Variants in CDH17 observed in about 807,000 individuals in gnomAD.
CDH17 encodes the protein cadherin-17.
In CDH17, 67 loss-of-function variants were observed where a neutral mutation model predicts 86.3. That is an observed-to-expected ratio of 0.78 (90% CI 0.64 to 0.95). The LOEUF (loss-of-function observed/expected upper bound fraction) is 0.95, where lower values mean the gene tolerates loss of function less well. Ranked by LOEUF, CDH17 falls within the 40% of genes least tolerant of loss-of-function variation. CDH17 has a pLI of 0.00. For synonymous variants in CDH17, 367 were observed against 366.4 expected, an observed-to-expected ratio of 1.00 and a Z score of -0.02; for missense variants, 993 against 1,017.6, an observed-to-expected ratio of 0.98 and a Z score of 0.33.
intron 15 of CDH17, among the ~76,000 whole-genome samples, chr8:94,134,476 G>A (rs1327535154): frequency 6.6e-6 from 1 of 152,112 alleles, no homozygotes; most frequent in East Asian, 1.9e-4. Flanking sequence ...ATTGTAGTTT[G>A]TATTTCTGTG....
At chr8:94,132,937 T>G (rs111811560) in intron 15 of CDH17, among the ~76,000 whole-genome samples, 3,429 of 152,302 alleles carry the variant, frequency 0.023, 126 homozygotes, top group African/African-American at 0.079. Flanking sequence ...CTTTCCCCAT[T>G]GCTTGTTTTT....
chr8:94,130,844 C>G, intron 16 of CDH17, 32 bp downstream of exon 16: 1 of 1,518,506 alleles, frequency 6.6e-7, no homozygotes, highest in Non-Finnish European at 9.2e-7. Context: ...GTGACAGATA[C>G]TAGCCTGAGT....
chr8:94,132,120 T>C (rs1008722190), intron 15 of CDH17, among the ~76,000 whole-genome samples: 53 of 152,204 alleles, frequency 3.5e-4, no homozygotes, highest in African/African-American at 1.1e-3. Flanking sequence ...CTCTTGTGAA[T>C]AGTGCCACAA....
Position 94,177,606 on chromosome 8 carries a change from C to A in CDH17, c.266G>T (p.Arg89Ile). 1.9e-6 allele frequency: 3 copies of A among 1,613,774 alleles called. No homozygotes were observed. The highest frequency in any genetic ancestry group is 2.2e-5 in the East Asian group (1 of 44,860). The change falls in exon 4 of 18, where the codon AGA (arginine) becomes ATA (isoleucine). Residue 89 changes from arginine (R) to isoleucine (I), a missense_variant. Physicochemically the swap from Arg to Ile is moderately conservative, Grantham distance 97. Transcript: ENST00000027335. Reference sequence around the variant, plus strand: ...ATTTACCTGGAGATTGTGAGTAGATCTTGTTTCCCTGTCCAAGGCTCTGTT... The same window carrying A: ...ATTTACCTGGAGATTGTGAGTAGATATTGTTTCCCTGTCCAAGGCTCTGTT... ...YYNRALDRET[R>I]STHNLQVAAL...
In CDH17 at chr8:94,200,532, C is replaced by CTTTTT. The variant is rs1387182561; in HGVS notation, c.-20-5828_-20-5827insAAAAA. Among the ~76,000 whole-genome samples, 66 of 50,236 alleles carry CTTTTT rather than the reference C, an allele frequency of 1.3e-3. 11 individuals carry two copies. The highest frequency in any genetic ancestry group is 0.017 in the Middle Eastern group (1 of 60). 33.0% of individuals were successfully genotyped at this position (50,236 alleles called of 152,430 possible). A position where few individuals can be genotyped will look rare whatever the true frequency, so the allele number is the denominator to read the frequency against. Reference sequence around the variant, plus strand: ...TAGATCAGAGGGTTATTATTATTATCTTTTGTTTTTTTTTTTTTTTTTTTT... The same window carrying CTTTTT: ...TAGATCAGAGGGTTATTATTATTATCTTTTTTTTTGTTTTTTTTTTTTTTTTTTTT... On this transcript the variant is annotated intron_variant, in intron 1 of 17. Transcript: ENST00000027335.
intron 1 of CDH17, among the ~76,000 whole-genome samples, chr8:94,197,053 G>T (rs1181240238): frequency 2.6e-5 from 4 of 152,128 alleles, no homozygotes; most frequent in African/African-American, 9.7e-5. Flanking sequence ...CACAAAACCG[G>T]AAGACCCACT....
At chr8:94,144,612 T>C (rs1812703851) in intron 15 of CDH17, among the ~76,000 whole-genome samples, 1 of 152,036 alleles carries the variant, frequency 6.6e-6, no homozygotes, top group Non-Finnish European at 1.5e-5. Flanking sequence ...TTAGGGACCC[T>C]AAGTTTGGCA....
intron 15 of CDH17, among the ~76,000 whole-genome samples, chr8:94,140,196 A>T (rs1812610582): frequency 6.6e-6 from 1 of 152,148 alleles, no homozygotes; most frequent in Non-Finnish European, 1.5e-5. Context: ...CTGAGGTGGG[A>T]GGCTCACTTG....
At chr8:94,147,158 A>G (rs1293158448) in intron 14 of CDH17, among the ~76,000 whole-genome samples, 1 of 152,188 alleles carries the variant, frequency 6.6e-6, no homozygotes, top group Non-Finnish European at 1.5e-5. Flanking sequence ...TCTGATCCCC[A>G]TGGTATGAGA....
intron 7 of CDH17, among the ~76,000 whole-genome samples, chr8:94,171,365 G>A (rs189940650): frequency 4.6e-5 from 7 of 152,188 alleles, no homozygotes; most frequent in African/African-American, 1.7e-4. Flanking sequence ...TGTATGGTGA[G>A]CATCTAATAC....
intron 17 of CDH17, among the ~76,000 whole-genome samples, chr8:94,128,972 T>C (rs2130560633): frequency 6.6e-6 from 1 of 152,310 alleles, no homozygotes; most frequent in Admixed American, 6.5e-5. Context: ...GAGTCCACTA[T>C]GAAGAAGGAG....
chr8:94,170,823 G>T, intron 8 of CDH17, 31 bp downstream of exon 8: 1 of 1,606,816 alleles, frequency 6.2e-7, no homozygotes, highest in Non-Finnish European at 8.5e-7. Context: ...ACTTTGTCTT[G>T]TCGCCTGTGA....
intron 3 of CDH17, among the ~76,000 whole-genome samples, chr8:94,185,276 T>TATACACAC (rs938570428): frequency 1.5e-5 from 2 of 136,760 alleles, no homozygotes; most frequent in African/African-American, 5.3e-5. Flanking sequence ...CCTACCCCAA[T>TATACACAC]ACACACACAC....
At chr8:94,141,290 A>C (rs931608056) in intron 15 of CDH17, among the ~76,000 whole-genome samples, 6 of 151,956 alleles carry the variant, frequency 3.9e-5, no homozygotes, top group Non-Finnish European at 8.8e-5. Flanking sequence ...AACCCTCACA[A>C]ATAGGAATAA....
rs746028027 is a variant in CDH17, at chr8:94,148,952, AAT to A, written c.1797-80_1797-79del. 1.2e-4 allele frequency: 148 copies of A among 1,272,742 alleles called. 2 individuals are homozygous for A. The highest frequency in any genetic ancestry group is 1.5e-4 in the Non-Finnish European group (140 of 919,094). 78.8% of individuals were successfully genotyped at this position (1,272,742 alleles called of 1,614,324 possible). A position where few individuals can be genotyped will look rare whatever the true frequency, so the allele number is the denominator to read the frequency against. ...GTGAAGCTAGTTTGTGCGTCAACTAAATATGTTTGTGCATCCTTGAAATATGT... is the reference window on the plus strand; with the variant it reads ...GTGAAGCTAGTTTGTGCGTCAACTAAATGTTTGTGCATCCTTGAAATATGT... On this transcript the variant is annotated intron_variant, in intron 13 of 17. Transcript: ENST00000027335.
At chr8:94,181,596 G>A (rs1217904463) in intron 3 of CDH17, among the ~76,000 whole-genome samples, 1 of 151,792 alleles carries the variant, frequency 6.6e-6, no homozygotes, top group African/African-American at 2.4e-5. Context: ...AAATGAAAAT[G>A]AAACACAGCA....
chr8:94,157,200 A>T (rs1812964105), intron 12 of CDH17, among the ~76,000 whole-genome samples: 1 of 152,240 alleles, frequency 6.6e-6, no homozygotes, highest in Non-Finnish European at 1.5e-5. Flanking sequence ...ACTGTTAATG[A>T]TATAATTGTG....
At chr8:94,207,956 A>G (rs1310607113) in intron 1 of CDH17, among the ~76,000 whole-genome samples, 2 of 152,210 alleles carry the variant, frequency 1.3e-5, no homozygotes, top group African/African-American at 4.8e-5. Flanking sequence ...TTCTTATTCT[A>G]GTACTTTTAC....
intron 14 of CDH17, among the ~76,000 whole-genome samples, chr8:94,147,421 T>A (rs936888433): frequency 3.9e-5 from 6 of 152,196 alleles, no homozygotes; most frequent in African/African-American, 1.4e-4. Flanking sequence ...CAGGGGCCGT[T>A]TTTATGATTC....
Sources: allele counts gnomAD v4.1 joint callset (sites outside exome capture counted in the v4.1 genomes callset), GRCh38; gene constraint gnomAD v4.1.1; transcripts MANE v1.5; gene names NCBI Gene and HGNC (gene_info 2026-07-23, HGNC 2026-07-21).